Variants in TTLL5 observed in about 807,000 individuals in gnomAD.
The protein encoded by TTLL5 is tubulin tyrosine ligase like 5.
Under a neutral mutation model 168.4 loss-of-function variants are expected in TTLL5, and 132 were observed. That is an observed-to-expected ratio of 0.78 (90% CI 0.68 to 0.91). The LOEUF (loss-of-function observed/expected upper bound fraction) is 0.91, where lower values mean the gene tolerates loss of function less well. Among genes scored for constraint, TTLL5 ranks in the 40% least tolerant of loss-of-function variants. The probability of loss-of-function intolerance (pLI) is 0.00; values close to 1 mark genes in which losing one functional copy is unlikely to be tolerated. For synonymous variants in TTLL5, 546 were observed against 558.6 expected, an observed-to-expected ratio of 0.98 and a Z score of 0.32; for missense variants, 1,545 against 1,581.5, an observed-to-expected ratio of 0.98 and a Z score of 0.39.
At chr14:75,856,266 G>C (rs997452664) in intron 28 of TTLL5, among the ~76,000 whole-genome samples, 5 of 152,194 alleles carry the variant, frequency 3.3e-5, no homozygotes, top group African/African-American at 1.2e-4. Flanking sequence ...GGGAGGCTGA[G>C]GCAGGAGAAT....
At chr14:75,938,027 A>G (rs943566999) in intron 31 of TTLL5, among the ~76,000 whole-genome samples, 2 of 152,178 alleles carry the variant, frequency 1.3e-5, no homozygotes, top group Admixed American at 1.3e-4. Flanking sequence ...TTGTTATTTT[A>G]TGGTTATTTT....
chr14:75,936,113 T>G (rs927391214), intron 31 of TTLL5, among the ~76,000 whole-genome samples: 1 of 152,216 alleles, frequency 6.6e-6, no homozygotes, highest in Admixed American at 6.5e-5. Context: ...ATTGAGCACC[T>G]GCTGTATCCC....
chr14:75,677,463 A>G (rs1884261590), intron 3 of TTLL5, among the ~76,000 whole-genome samples: 1 of 135,204 alleles, frequency 7.4e-6, no homozygotes, highest in Non-Finnish European at 1.5e-5. Context: ...TGGCCTGATC[A>G]TGACTCACTG....
chr14:75,720,870 G>A (rs1887791513), intron 12 of TTLL5, among the ~76,000 whole-genome samples, 167 bp downstream of exon 12: 1 of 152,178 alleles, frequency 6.6e-6, no homozygotes. Context: ...GAGGCCAATA[G>A]TGAGCTTGGT....
chr14:75,938,280 A>G (rs1773736959), intron 31 of TTLL5, among the ~76,000 whole-genome samples: 1 of 152,220 alleles, frequency 6.6e-6, no homozygotes, highest in Non-Finnish European at 1.5e-5. Context: ...AATCATCTGT[A>G]TGGAGATACT....
In TTLL5 at chr14:75,772,321, A is replaced by G. The variant is rs937651410; in HGVS notation, c.2136+467A>G. On this transcript the variant is annotated intron_variant, in intron 21 of 31. Coordinates refer to ENST00000298832, the MANE Select transcript of TTLL5 (RefSeq NM_015072.5). ...CGTGATGAAACCAGAACTTAAACTC[A>G]GATGTACTTTACTTGCTCCTCCATT... 6.6e-5 allele frequency among the ~76,000 whole-genome samples: 10 copies of G among 152,320 alleles called. No homozygotes were observed. The South Asian group carries it at 2.1e-3, about 32-fold the overall frequency.
chr14:75,947,204 T>C (rs1189730122), intron 31 of TTLL5, among the ~76,000 whole-genome samples: 3 of 152,316 alleles, frequency 2.0e-5, no homozygotes, highest in East Asian at 1.9e-4. Flanking sequence ...GAAATAGTTA[T>C]ATTGTCAGCC....
intron 18 of TTLL5, among the ~76,000 whole-genome samples, chr14:75,755,284 T>A (rs1427639614): frequency 8.2e-4 from 123 of 150,812 alleles, no homozygotes; most frequent in African/African-American, 2.4e-3. Flanking sequence ...ATAATAATAA[T>A]AATAATAATA....
At chr14:75,936,641 CT>C (rs2034441869) in intron 31 of TTLL5, among the ~76,000 whole-genome samples, 1 of 152,104 alleles carries the variant, frequency 6.6e-6, no homozygotes, top group Non-Finnish European at 1.5e-5. Flanking sequence ...ATATAACTCC[CT>C]AAGAAGGACT....
chr14:75,700,576 TG>T (rs371967402), intron 7 of TTLL5, among the ~76,000 whole-genome samples: 1,914 of 152,240 alleles, frequency 0.013, 19 homozygotes, highest in South Asian at 0.035. Flanking sequence ...GGAGGAGAGA[TG>T]CAAAACCCCG....
intron 31 of TTLL5, among the ~76,000 whole-genome samples, chr14:75,910,996 TG>T (rs921936059): frequency 2.0e-5 from 3 of 152,056 alleles, no homozygotes; most frequent in Admixed American, 2.0e-4. Context: ...TTTTTGTTGT[TG>T]GGGGGTGGGT....
intron 31 of TTLL5, among the ~76,000 whole-genome samples, chr14:75,923,561 T>C (rs193135111): frequency 1.2e-3 from 181 of 152,362 alleles, no homozygotes; most frequent in African/African-American, 4.3e-3. Flanking sequence ...TTGATTGCAC[T>C]GTGATCCGAG....
At chr14:75,877,641 A>G (rs1007936512) in intron 29 of TTLL5, among the ~76,000 whole-genome samples, 4 of 152,256 alleles carry the variant, frequency 2.6e-5, no homozygotes, top group Non-Finnish European at 5.9e-5. Flanking sequence ...GACATTGACT[A>G]ATGATGGTGC....
At chr14:75,663,308 T>A in intron 2 of TTLL5, 85 bp downstream of exon 2, 2 of 1,275,998 alleles carry the variant, frequency 1.6e-6, no homozygotes, top group South Asian at 2.6e-5. Context: ...TATATACTCT[T>A]CTCTTTTACT....
At chr14:75,683,693 G>T in intron 5 of TTLL5, 37 bp downstream of exon 5, 1 of 1,531,466 alleles carries the variant, frequency 6.5e-7, no homozygotes, top group South Asian at 1.1e-5. Context: ...TCATTTAAAG[G>T]TACATGACAT....
chr14:75,831,085 A>T (rs945413812), intron 28 of TTLL5, among the ~76,000 whole-genome samples: 1 of 152,260 alleles, frequency 6.6e-6, no homozygotes, highest in Admixed American at 6.5e-5. Context: ...AAACGAGCTT[A>T]CGTGGCTCAT....
intron 31 of TTLL5, among the ~76,000 whole-genome samples, chr14:75,907,460 G>A (rs2033192072): frequency 6.6e-6 from 1 of 152,174 alleles, no homozygotes; most frequent in African/African-American, 2.4e-5. Context: ...CGGCACACCT[G>A]CCATGAGGCT....
chr14:75,721,172 C>G (rs1009007552), intron 12 of TTLL5, among the ~76,000 whole-genome samples: 1 of 152,076 alleles, frequency 6.6e-6, no homozygotes, highest in Non-Finnish European at 1.5e-5. Context: ...CATTCCTCTT[C>G]CACTTTCTTT....
chr14:75,950,619 G>T (rs2034932071), intron 31 of TTLL5, among the ~76,000 whole-genome samples: 1 of 152,166 alleles, frequency 6.6e-6, no homozygotes, highest in South Asian at 2.1e-4. Flanking sequence ...TGAGAACATG[G>T]AAGTGTATTA....
Sources: allele counts gnomAD v4.1 joint callset (sites outside exome capture counted in the v4.1 genomes callset), GRCh38; gene constraint gnomAD v4.1.1; transcripts MANE v1.5; gene names NCBI Gene and HGNC (gene_info 2026-07-23, HGNC 2026-07-21).